CNTN5: variants seen among roughly 807,000 people sequenced by gnomAD.
CNTN5 encodes contactin 5.
Under a neutral mutation model 129.1 loss-of-function variants are expected in CNTN5, and 77 were observed. That is an observed-to-expected ratio of 0.60 (90% confidence interval 0.50 to 0.72). The LOEUF is 0.72. Ranked by LOEUF, CNTN5 falls within the 30% of genes least tolerant of loss-of-function variation. The probability of loss-of-function intolerance (pLI) is 0.00; values close to 1 mark genes in which losing one functional copy is unlikely to be tolerated. For synonymous variants in CNTN5, 509 were observed against 465.6 expected (o/e 1.09, Z -1.20); for missense variants, 1,478 against 1,328.8 (o/e 1.11, Z -1.75).
chr11:100,122,282 CAGG>C (rs1565261719), intron 13 of CNTN5, among the ~76,000 whole-genome samples: 3 of 151,942 alleles, frequency 2.0e-5, no homozygotes, highest in Non-Finnish European at 1.5e-5. Flanking sequence ...TGTCCAAGGA[CAGG>C]AGGAGAAGAA....
At chr11:99,840,638 A>C (rs1369644991) in intron 4 of CNTN5, among the ~76,000 whole-genome samples, 1 of 152,148 alleles carries the variant, frequency 6.6e-6, no homozygotes, top group African/African-American at 2.4e-5. Flanking sequence ...TGATAGAGGA[A>C]AAAAACACAG....
intron 23 of CNTN5, among the ~76,000 whole-genome samples, chr11:100,346,665 A>C (rs949275361): frequency 6.6e-6 from 1 of 152,094 alleles, no homozygotes; most frequent in Non-Finnish European, 1.5e-5. Flanking sequence ...CCCCTTCACC[A>C]AATATCTCCC....
chr11:99,773,428 CTA>C (rs1355891815), intron 3 of CNTN5, among the ~76,000 whole-genome samples: 2 of 151,988 alleles, frequency 1.3e-5, no homozygotes, highest in Non-Finnish European at 2.9e-5. Context: ...TTTATAAAAA[CTA>C]TTAGAAATCC....
At chr11:99,919,802 A>ATTTATTTTAT (rs145689745) in intron 7 of CNTN5, among the ~76,000 whole-genome samples, 17,155 of 147,560 alleles carry the variant, frequency 0.12, 1,176 homozygotes, top group African/African-American at 0.16. Context: ...TTTCTAGAAT[A>ATTTATTTTAT]TTTATTTTAT....
chr11:99,781,036 G>A (rs1270865808), intron 3 of CNTN5, among the ~76,000 whole-genome samples: 1 of 152,064 alleles, frequency 6.6e-6, no homozygotes, highest in Admixed American at 6.6e-5. Context: ...AATTGATCAT[G>A]TTGTCTTTGT....
At chr11:99,333,646 G>T (rs1206225408) in intron 2 of CNTN5, among the ~76,000 whole-genome samples, 1 of 151,902 alleles carries the variant, frequency 6.6e-6, no homozygotes, top group Non-Finnish European at 1.5e-5. Flanking sequence ...AAATCTCTGA[G>T]ATTTTATTTG....
chr11:100,348,926 G>A (rs1231144785), intron 23 of CNTN5, among the ~76,000 whole-genome samples: 1 of 151,962 alleles, frequency 6.6e-6, no homozygotes, highest in Non-Finnish European at 1.5e-5. Context: ...CTGTAACCAT[G>A]TGGTCTTATT....
intron 4 of CNTN5, among the ~76,000 whole-genome samples, chr11:99,842,440 A>G (rs915980472): frequency 2.0e-5 from 3 of 152,232 alleles, no homozygotes; most frequent in Admixed American, 6.5e-5. Context: ...ATTCCTACTA[A>G]TACTGTAAAG....
intron 21 of CNTN5, among the ~76,000 whole-genome samples, chr11:100,338,870 T>TA (rs1410959540): frequency 4.6e-5 from 7 of 151,916 alleles, no homozygotes; most frequent in African/African-American, 1.7e-4. Flanking sequence ...GACAGCTGTG[T>TA]GTTAGCAGCT....
intron 1 of CNTN5, among the ~76,000 whole-genome samples, chr11:99,094,221 T>C (rs1173429776): frequency 6.6e-6 from 1 of 151,972 alleles, no homozygotes; most frequent in Non-Finnish European, 1.5e-5. Flanking sequence ...TAAAATGCTG[T>C]TTTCAATATA....
At chr11:99,640,098 G>A (rs1159257908) in intron 3 of CNTN5, among the ~76,000 whole-genome samples, 1 of 152,004 alleles carries the variant, frequency 6.6e-6, no homozygotes, top group Non-Finnish European at 1.5e-5. Flanking sequence ...CAGCATTTTG[G>A]ACAAAGCCAC....
intron 1 of CNTN5, among the ~76,000 whole-genome samples, chr11:99,234,368 A>C (rs1208840829): frequency 1.3e-5 from 2 of 152,146 alleles, no homozygotes; most frequent in Non-Finnish European, 2.9e-5. Context: ...AAAATAAAGG[A>C]TTCTGTCTTC....
chr11:99,419,965 C>T (rs947926458), intron 2 of CNTN5, among the ~76,000 whole-genome samples: 1 of 151,886 alleles, frequency 6.6e-6, no homozygotes, highest in Non-Finnish European at 1.5e-5. Context: ...AAGGAGTCTC[C>T]GTCTGCAAGG....
At chr11:99,892,446 T>G (rs1435781884) in intron 6 of CNTN5, among the ~76,000 whole-genome samples, 1 of 152,214 alleles carries the variant, frequency 6.6e-6, no homozygotes, top group African/African-American at 2.4e-5. Context: ...CTTGAAGGAT[T>G]TTTATGGTTT....
chr11:100,220,933 A>C (rs1949250587), intron 15 of CNTN5, among the ~76,000 whole-genome samples: 1 of 152,218 alleles, frequency 6.6e-6, no homozygotes, highest in Non-Finnish European at 1.5e-5. Flanking sequence ...ACACACAGGA[A>C]AGGAAGCAAG....
At chr11:99,765,961 C>A (rs1169120957) in intron 3 of CNTN5, among the ~76,000 whole-genome samples, 3 of 151,884 alleles carry the variant, frequency 2.0e-5, no homozygotes, top group African/African-American at 7.2e-5. Context: ...AAAGAGCAAC[C>A]TCTAGGCTTC....
intron 1 of CNTN5, among the ~76,000 whole-genome samples, chr11:99,118,713 A>G (rs1358369622): frequency 6.6e-6 from 1 of 152,162 alleles, no homozygotes; most frequent in Non-Finnish European, 1.5e-5. Flanking sequence ...TCTAACACAT[A>G]GAAGTAAATT....
rs374449388 is a variant in CNTN5, at chr11:99,669,641, A to G, written c.55+113372A>G. 3.9e-5 allele frequency among the ~76,000 whole-genome samples: 6 copies of G among 152,240 alleles called. No homozygotes were observed. In the East Asian group the frequency reaches 9.6e-4, roughly 24 times the overall value. ...TCTAGAGCAAACAATTGTGACAGCA[A>G]TACATTATTGTTAGTAAAGACCTAC... On this transcript the variant is annotated intron_variant, in intron 3 of 24. Transcript: ENST00000524871.
intron 2 of CNTN5, among the ~76,000 whole-genome samples, chr11:99,349,140 T>G (rs1938111281): frequency 6.6e-6 from 1 of 152,198 alleles, no homozygotes; most frequent in African/African-American, 2.4e-5. Flanking sequence ...AAACACCATC[T>G]GAAAAGCTAA....
Sources: allele counts gnomAD v4.1 joint callset (sites outside exome capture counted in the v4.1 genomes callset), GRCh38; gene constraint gnomAD v4.1.1; transcripts MANE v1.5; gene names NCBI Gene and HGNC (gene_info 2026-07-23, HGNC 2026-07-21).